The following RIMBP2 variants were observed in gnomAD, a reference collection of about 807,000 sequenced individuals.
The protein encoded by RIMBP2 is RIMS binding protein 2, also known as RIMS-binding protein 2.
A neutral mutation model predicts 118.6 loss-of-function variants in RIMBP2; 48 were observed. The observed-to-expected ratio is 0.40, with a 90% CI of 0.32 to 0.51. RIMBP2 has a LOEUF of 0.51. Among genes scored for constraint, RIMBP2 ranks in the 20% least tolerant of loss-of-function variants. The pLI, the probability that RIMBP2 is intolerant of heterozygous loss-of-function variation, is 0.41. For missense variants in RIMBP2, 1,551 were observed against 1,768.3 expected, an observed-to-expected ratio of 0.88 and a Z score of 2.20; for synonymous variants, 762 against 742.9, an observed-to-expected ratio of 1.03 and a Z score of -0.42.
At chr12:130,449,697 G>C (rs1217506096) in intron 9 of RIMBP2, among the ~76,000 whole-genome samples, 1 of 152,128 alleles carries the variant, frequency 6.6e-6, no homozygotes, top group Non-Finnish European at 1.5e-5. Context: ...GATGGAGTTA[G>C]TCATACTGCA....
chr12:130,546,883 G>A (rs1323650994), intron 2 of RIMBP2, among the ~76,000 whole-genome samples: 2 of 152,188 alleles, frequency 1.3e-5, no homozygotes, highest in African/African-American at 4.8e-5. Context: ...GGCAACCCTG[G>A]CCTATTTCCC....
At chr12:130,607,538 C>A (rs1046835766) in intron 2 of RIMBP2, among the ~76,000 whole-genome samples, 2 of 151,910 alleles carry the variant, frequency 1.3e-5, no homozygotes, top group Non-Finnish European at 2.9e-5. Context: ...GAACATGCTG[C>A]TTATTCATGG....
intron 4 of RIMBP2, among the ~76,000 whole-genome samples, chr12:130,480,726 T>G (rs1224994265): frequency 6.6e-6 from 1 of 152,044 alleles, no homozygotes; most frequent in South Asian, 2.1e-4. Flanking sequence ...TCAGCCTCCC[T>G]AGTAGCTGGG....
intron 2 of RIMBP2, among the ~76,000 whole-genome samples, chr12:130,569,475 G>A (rs1386605062): frequency 2.0e-5 from 3 of 152,186 alleles, no homozygotes; most frequent in Admixed American, 6.5e-5. Context: ...TCCCCAACTG[G>A]AACAAATACC....
At chr12:130,678,119 A>C (rs952993222) in intron 1 of RIMBP2, among the ~76,000 whole-genome samples, 4 of 152,118 alleles carry the variant, frequency 2.6e-5, no homozygotes, top group Admixed American at 1.3e-4. Flanking sequence ...CCCTCCCACA[A>C]ACAAACCTGG....
chr12:130,498,145 C>A (rs11503072), intron 4 of RIMBP2, among the ~76,000 whole-genome samples: 59,337 of 123,262 alleles, frequency 0.48, 12,412 homozygotes, highest in East Asian at 0.62. Context: ...CCGGCTGCCC[C>A]GTCATTCTCC....
At chr12:130,550,995 G>A (rs2055719351) in intron 2 of RIMBP2, among the ~76,000 whole-genome samples, 1 of 152,222 alleles carries the variant, frequency 6.6e-6, no homozygotes, top group Admixed American at 6.5e-5. Context: ...GACATGATGT[G>A]TGGCACCACC....
intron 4 of RIMBP2, among the ~76,000 whole-genome samples, chr12:130,489,606 C>T (rs948430616): frequency 2.6e-5 from 4 of 152,190 alleles, no homozygotes; most frequent in Non-Finnish European, 1.5e-5. Context: ...ACGGTCTCTG[C>T]TCCTGACTCT....
intron 2 of RIMBP2, among the ~76,000 whole-genome samples, chr12:130,626,893 G>A (rs546511950): frequency 1.8e-4 from 26 of 146,236 alleles, no homozygotes; most frequent in Middle Eastern, 3.8e-3. Context: ...GACTACTGCC[G>A]GCATCACCAC....
rs555892559 is a variant in RIMBP2 at position 130,422,170 on chromosome 12, G to T, written c.3238+283C>A. On this transcript the variant is annotated intron_variant, in intron 17 of 22. Transcript: ENST00000690449. The surrounding 1 kb of genome is among the most constrained non-coding windows in gnomAD (Gnocchi z 5.2). ...AGGGAGCCCATGCCAGGATGAGGGA[G>T]GTGACACAAAGTGGTCCCCCCTTCA... is the stretch of plus-strand genomic sequence containing the variant. Among the ~76,000 whole-genome samples the T allele has an allele frequency of 6.6e-6, 1 of 152,280 alleles. No individual in the cohort carries two copies. The highest frequency in any genetic ancestry group is 1.9e-4 in the East Asian group (1 of 5,172).
At position 130,522,374 on chromosome 12, in the gene RIMBP2, C is replaced by A. The variant is rs376818984; in HGVS notation, c.-216-4457G>T. On this transcript the variant is annotated intron_variant, in intron 2 of 22. Transcript: ENST00000690449. Reference sequence around the variant, plus strand: ...CTAGAGGTTCGGGGAACATGGCAACCGGCCAGCCCAGGCCCCAGTCTTAGA... The same window carrying A: ...CTAGAGGTTCGGGGAACATGGCAACAGGCCAGCCCAGGCCCCAGTCTTAGA... Among the ~76,000 whole-genome samples the A allele has an allele frequency of 4.6e-5, 7 of 152,210 alleles. No individual in the cohort carries two copies. In the East Asian group the frequency reaches 1.2e-3, roughly 25 times the overall value.
In RIMBP2 at chr12:130,470,519, C is replaced by T. The variant is rs570163022; in HGVS notation, c.153+174G>A. The stretch of plus-strand genomic sequence containing the variant: ...CCTGTAAGAACGGACCTGGTCCTGG[C>T]ACCTGTAGTACTGGTTGCTTGTGAG... On this transcript the variant is annotated intron_variant, in intron 6 of 22. Coordinates refer to ENST00000690449, the MANE Select transcript of RIMBP2 (RefSeq NM_001393629.1). 1.5e-5 allele frequency: 6 copies of T among 398,476 alleles called. No homozygotes were observed. In the South Asian group the frequency reaches 7.1e-4, roughly 47 times the overall value. The allele number at this position is 398,476 out of a possible 1,614,324, so 24.7% of individuals were successfully genotyped here. A position where few individuals can be genotyped will look rare whatever the true frequency, so the allele number is the denominator to read the frequency against.
At chr12:130,504,784 T>C (rs944176518) in intron 4 of RIMBP2, among the ~76,000 whole-genome samples, 2 of 152,074 alleles carry the variant, frequency 1.3e-5, no homozygotes, top group African/African-American at 4.8e-5. Flanking sequence ...GACCAGGTGA[T>C]AATCTGCTGT....
chr12:130,513,303 T>C (rs544608839), intron 3 of RIMBP2, among the ~76,000 whole-genome samples: 4 of 152,364 alleles, frequency 2.6e-5, no homozygotes, highest in African/African-American at 9.6e-5. Flanking sequence ...GACACTGGAC[T>C]GGATTTTATT....
chr12:130,604,586 CTTTTT>C (rs71088767), intron 2 of RIMBP2, among the ~76,000 whole-genome samples: 5 of 56,732 alleles, frequency 8.8e-5, no homozygotes, highest in Non-Finnish European at 1.6e-4. Context: ...CCTTTTCTTT[CTTTTT>C]TTTTTTTTTT....
intron 1 of RIMBP2, among the ~76,000 whole-genome samples, chr12:130,701,058 T>A (rs938734502): frequency 1.3e-5 from 2 of 152,216 alleles, no homozygotes; most frequent in African/African-American, 4.8e-5. Context: ...AGAACACAGG[T>A]AAACACTGAG....
intron 2 of RIMBP2, among the ~76,000 whole-genome samples, chr12:130,518,726 G>T (rs1418235959): frequency 6.6e-6 from 1 of 152,168 alleles, no homozygotes; most frequent in South Asian, 2.1e-4. Flanking sequence ...ATCACCTAGG[G>T]TGTGGTACAG....
chr12:130,607,706 C>G (rs968001435), intron 2 of RIMBP2, among the ~76,000 whole-genome samples: 1 of 152,058 alleles, frequency 6.6e-6, no homozygotes, highest in African/African-American at 2.4e-5. Flanking sequence ...TGGTCAGAAA[C>G]TGCTCGGAAT....
chr12:130,555,474 A>G (rs1354258545), intron 2 of RIMBP2, among the ~76,000 whole-genome samples: 2 of 152,152 alleles, frequency 1.3e-5, no homozygotes, highest in South Asian at 4.2e-4. Flanking sequence ...TAATGAACTC[A>G]AGCACCATAA....
Sources: gnomAD v4.1 joint callset for allele counts (sites outside exome capture counted in the v4.1 genomes callset) on GRCh38, gnomAD v4.1.1 for gene constraint, Gnocchi (gnomAD v3.1) non-coding constraint, MANE v1.5 for transcripts, NCBI Gene and HGNC (gene_info 2026-07-23, HGNC 2026-07-21) for gene names.